The following RPTOR variants were observed in gnomAD, a reference collection of about 807,000 sequenced individuals.
The protein encoded by RPTOR is regulatory-associated protein of mTOR.
A neutral mutation model predicts 169.9 loss-of-function variants in RPTOR; 21 were observed. The observed-to-expected ratio is 0.12, with a 90% CI of 0.09 to 0.18. The LOEUF (loss-of-function observed/expected upper bound fraction) is 0.18. Among genes scored for constraint, RPTOR ranks in the 10% least tolerant of loss-of-function variants. The probability of loss-of-function intolerance (pLI) is 1.00; values close to 1 mark genes in which losing one functional copy is unlikely to be tolerated. For synonymous variants in RPTOR, 732 were observed against 753.2 expected (o/e 0.97, Z 0.46); for missense variants, 1,133 against 1,855.9 (o/e 0.61, Z 7.16).
intron 3 of RPTOR, among the ~76,000 whole-genome samples, chr17:80,700,412 GTGGTGA>G (rs1382385392): frequency 6.7e-6 from 1 of 148,270 alleles, no homozygotes; most frequent in African/African-American, 2.5e-5. Context: ...GATGGTGGTG[GTGGTGA>G]TGGTGATGGT....
chr17:80,627,409 C>T (rs1386391310), intron 2 of RPTOR, among the ~76,000 whole-genome samples: 1 of 152,202 alleles, frequency 6.6e-6, no homozygotes, highest in Non-Finnish European at 1.5e-5. Flanking sequence ...GTAACAAATG[C>T]CATAATCAAT....
In RPTOR at chr17:80,633,296, G is replaced by T. The variant is rs1035470855; in HGVS notation, c.265+7503G>T. ...AAAATCAAGGAGCATTCGCGTGGAC[G>T]TGTGACTGCCACGTAAGCGTCCGCT... On this transcript the variant is annotated intron_variant, in intron 2 of 33. Transcript: ENST00000306801. This position sits in a 1 kb window ranked among gnomAD's most constrained non-coding sequence, Gnocchi z 4.1. 6.6e-6 allele frequency among the ~76,000 whole-genome samples: 1 copy of T among 152,190 alleles called. No individual in the cohort carries two copies. The highest frequency in any genetic ancestry group is 1.9e-4 in the East Asian group (1 of 5,200).
At chr17:80,937,960 C>T (rs748489536) in intron 24 of RPTOR, among the ~76,000 whole-genome samples, 6 of 152,218 alleles carry the variant, frequency 3.9e-5, no homozygotes, top group Admixed American at 6.5e-5. Flanking sequence ...GGGGTGGTTC[C>T]GGAACCGCGT....
intron 6 of RPTOR, among the ~76,000 whole-genome samples, chr17:80,784,479 C>T (rs1221034369): frequency 6.6e-6 from 1 of 151,950 alleles, no homozygotes; most frequent in African/African-American, 2.4e-5. Flanking sequence ...GCAACCTCCG[C>T]CTTCTGGGTT....
At chr17:80,679,011 G>A (rs1457877900) in intron 3 of RPTOR, among the ~76,000 whole-genome samples, 1 of 152,240 alleles carries the variant, frequency 6.6e-6, no homozygotes, top group Non-Finnish European at 1.5e-5. Flanking sequence ...TTCACAAGAA[G>A]TGGCCTCTGC....
At chr17:80,838,047 C>A in intron 10 of RPTOR, 50 bp downstream of exon 10, 1 of 1,497,698 alleles carries the variant, frequency 6.7e-7, no homozygotes, top group Non-Finnish European at 9.1e-7. Context: ...AGCCACTTCT[C>A]TGGGCACCTG....
chr17:80,938,965 C>T (rs1598412195), intron 24 of RPTOR, among the ~76,000 whole-genome samples: 1 of 152,226 alleles, frequency 6.6e-6, no homozygotes, highest in Non-Finnish European at 1.5e-5. Flanking sequence ...GCCACATTTA[C>T]GTGCAAGGAC....
chr17:80,939,375 A>G (rs142380583), intron 24 of RPTOR, among the ~76,000 whole-genome samples: 24 of 152,326 alleles, frequency 1.6e-4, no homozygotes, highest in African/African-American at 5.5e-4. Flanking sequence ...ACGCACTCGC[A>G]CACACGCACA....
chr17:80,548,371 GTTTTTTTTTTTTTTT>G (rs34301408), intron 1 of RPTOR, among the ~76,000 whole-genome samples: 1 of 63,432 alleles, frequency 1.6e-5, no homozygotes, highest in Admixed American at 2.6e-4. Context: ...GCCTGGGGTG[GTTTTTTTTTTTTTTT>G]TTTTTTTTTT....
intron 1 of RPTOR, among the ~76,000 whole-genome samples, chr17:80,561,325 G>C (rs943127705): frequency 2.0e-5 from 3 of 150,820 alleles, no homozygotes; most frequent in African/African-American, 7.4e-5. Context: ...TGGCCAGGCT[G>C]GTCTCAAACT....
intron 1 of RPTOR, among the ~76,000 whole-genome samples, chr17:80,561,495 A>T (rs1031298514): frequency 6.6e-6 from 1 of 151,368 alleles, no homozygotes. Flanking sequence ...CAGTGGCACA[A>T]TCACCGCTTA....
In RPTOR at chr17:80,946,472, C is replaced by T. The variant is rs375093363; in HGVS notation, c.3140+691C>T. ...CACAAAACCAAAACTTGGTCCCCAT[C>T]AGACACCAGCTCCCCATTCCTGCAT... On this transcript the variant is annotated intron_variant, in intron 26 of 33. Transcript: ENST00000306801. Among the ~76,000 whole-genome samples the T allele has an allele frequency of 1.3e-4, 20 of 152,340 alleles. 1 individual carries two copies. The highest frequency in any genetic ancestry group is 4.8e-4 in the African/African-American group (20 of 41,584).
chr17:80,747,844 T>C (rs1418007499), intron 5 of RPTOR, among the ~76,000 whole-genome samples: 1 of 152,220 alleles, frequency 6.6e-6, no homozygotes, highest in African/African-American at 2.4e-5. Context: ...TAGTGCTGAC[T>C]TGGAAGAAAG....
rs999119062 is a variant in RPTOR, at chr17:80,820,812, C to G, written c.891-1389C>G. On this transcript the variant is annotated intron_variant, in intron 7 of 33. Coordinates refer to ENST00000306801, the MANE Select transcript of RPTOR (RefSeq NM_020761.3). The surrounding 1 kb of genome is among the most constrained non-coding windows in gnomAD (Gnocchi z 4.1). ...TAAATGGTGGGAATCCTTCATGATG[C>G]CTGCCCTCCACCACCCACACAGCTA... Among the ~76,000 whole-genome samples, 1 of 152,174 alleles carries G rather than the reference C, an allele frequency of 6.6e-6. No homozygotes were observed. Among genetic ancestry groups the G allele is most frequent in the African/African-American group, 2.4e-5 (1 of 41,442 alleles).
intron 28 of RPTOR, among the ~76,000 whole-genome samples, chr17:80,951,418 C>T (rs377068143): frequency 3.9e-5 from 6 of 152,348 alleles, no homozygotes; most frequent in African/African-American, 1.4e-4. Context: ...GCCTGTGCTG[C>T]ACTTCAGGGG....
rs996094762 is a variant in RPTOR at position 80,726,157 on chromosome 17, C to T, written c.508-4403C>T. Among the ~76,000 whole-genome samples, 14 of 152,142 alleles carry T rather than the reference C, an allele frequency of 9.2e-5. No individual in the cohort carries two copies. The highest frequency in any genetic ancestry group is 1.8e-4 in the Non-Finnish European group (12 of 68,020). Reference sequence around the variant, plus strand: ...ATCCAAGCAGGCTTCCCAGAGCAGGCGGGGCTGGGAAAGCTGTTCTGTGGC... The same window carrying T: ...ATCCAAGCAGGCTTCCCAGAGCAGGTGGGGCTGGGAAAGCTGTTCTGTGGC... On this transcript the variant is annotated intron_variant, in intron 4 of 33. Transcript: ENST00000306801. The surrounding 1 kb of genome is among the most constrained non-coding windows in gnomAD (Gnocchi z 4.5).
At chr17:80,682,340 A>C (rs1482157694) in intron 3 of RPTOR, among the ~76,000 whole-genome samples, 1 of 152,240 alleles carries the variant, frequency 6.6e-6, no homozygotes, top group East Asian at 1.9e-4. Context: ...TCCTGGACTC[A>C]AGCCATTTGC....
chr17:80,867,661 T>A (rs2068008187), intron 13 of RPTOR, among the ~76,000 whole-genome samples: 2 of 152,202 alleles, frequency 1.3e-5, no homozygotes, highest in African/African-American at 2.4e-5. Context: ...TAGAAAAAAT[T>A]TAGTAAGTTT....
chr17:80,869,245 C>T (rs773369871), intron 13 of RPTOR, among the ~76,000 whole-genome samples: 13 of 152,198 alleles, frequency 8.5e-5, no homozygotes, highest in Admixed American at 2.0e-4. Context: ...CTGCAACCTC[C>T]GCCTCCCGGG....
Sources: allele counts gnomAD v4.1 joint callset (sites outside exome capture counted in the v4.1 genomes callset), GRCh38; gene constraint gnomAD v4.1.1; non-coding constraint Gnocchi (gnomAD v3.1); transcripts MANE v1.5; gene names NCBI Gene and HGNC (gene_info 2026-07-23, HGNC 2026-07-21).